PCDH15: variants seen among roughly 807,000 people sequenced by gnomAD.
The protein encoded by PCDH15 is protocadherin-15.
PCDH15 carries 129 observed loss-of-function variants against 178.5 expected under a neutral mutation model. That is an observed-to-expected ratio of 0.72 (90% CI 0.63 to 0.84). The LOEUF is 0.84. PCDH15 is among the 40% of genes least tolerant of loss of function. PCDH15 has a pLI of 0.00. For synonymous variants in PCDH15, 800 were observed against 732.0 expected, an observed-to-expected ratio of 1.09 and a Z score of -1.50; for missense variants, 2,230 against 2,099.9, an observed-to-expected ratio of 1.06 and a Z score of -1.21.
At chr10:53,925,674 G>T (rs1008728657) in intron 25 of PCDH15, among the ~76,000 whole-genome samples, 3 of 152,268 alleles carry the variant, frequency 2.0e-5, no homozygotes, top group East Asian at 1.9e-4. Context: ...ATTTTTGTTT[G>T]CCTTTATTTC....
chr10:55,376,825 A>T (rs1445444585), intron 2 of PCDH15, among the ~76,000 whole-genome samples: 1 of 152,066 alleles, frequency 6.6e-6, no homozygotes, highest in African/African-American at 2.4e-5. Context: ...TATGTTCTTC[A>T]TCAGAAATTG....
chr10:55,520,161 GTA>G (rs1235603156), intron 2 of PCDH15, among the ~76,000 whole-genome samples: 3 of 82,592 alleles, frequency 3.6e-5, no homozygotes, highest in African/African-American at 9.5e-5. Context: ...CACGCAATGT[GTA>G]TATATATATA....
chr10:55,603,900 A>C (rs1341681237), intron 2 of PCDH15, among the ~76,000 whole-genome samples: 118 of 147,722 alleles, frequency 8.0e-4, no homozygotes, highest in East Asian at 1.6e-3. Flanking sequence ...AACAGTATTA[A>C]CTTTAAATGT....
At chr10:54,809,111 G>A (rs989675417) in intron 3 of PCDH15, among the ~76,000 whole-genome samples, 2 of 152,096 alleles carry the variant, frequency 1.3e-5, no homozygotes, top group African/African-American at 4.8e-5. Flanking sequence ...TTTAAGGTAT[G>A]AATATTATTT....
intron 5 of PCDH15, among the ~76,000 whole-genome samples, chr10:54,347,308 TA>T (rs1943455042): frequency 6.6e-6 from 1 of 152,146 alleles, no homozygotes; most frequent in Non-Finnish European, 1.5e-5. Flanking sequence ...CTTAATTAGA[TA>T]TCAGCTTCTC....
At chr10:55,505,687 T>C (rs1840745425) in intron 2 of PCDH15, among the ~76,000 whole-genome samples, 1 of 151,476 alleles carries the variant, frequency 6.6e-6, no homozygotes, top group Admixed American at 6.6e-5. Flanking sequence ...TCAGGCAATG[T>C]TGTAAGAGAT....
chr10:54,130,607 G>A (rs7904409), intron 15 of PCDH15, among the ~76,000 whole-genome samples: 96,594 of 152,030 alleles, frequency 0.64, 32,140 homozygotes, highest in East Asian at 0.88. Context: ...TAAAAGGCCC[G>A]TTCTTAAAAG....
At chr10:54,987,354 G>T (rs1201410608) in intron 2 of PCDH15, among the ~76,000 whole-genome samples, 1 of 152,158 alleles carries the variant, frequency 6.6e-6, no homozygotes, top group Non-Finnish European at 1.5e-5. Context: ...ATGGTAGAAT[G>T]ATTCATAATT....
chr10:54,204,425 G>A (rs1253337724), intron 10 of PCDH15, among the ~76,000 whole-genome samples: 1 of 151,988 alleles, frequency 6.6e-6, no homozygotes, highest in Non-Finnish European at 1.5e-5. Context: ...GTGTCAGGTG[G>A]AGGTAAGGTG....
intron 23 of PCDH15, among the ~76,000 whole-genome samples, chr10:53,942,209 C>T (rs926796159): frequency 2.6e-5 from 4 of 152,152 alleles, no homozygotes; most frequent in Admixed American, 2.6e-4. Flanking sequence ...AAGAACCAAT[C>T]TGTATCATTT....
intron 33 of PCDH15, 124 bp downstream of exon 33, chr10:53,820,036 CTCTTA>C (rs2076200774): frequency 5.1e-6 from 2 of 391,314 alleles, no homozygotes; most frequent in Non-Finnish European, 9.0e-6. Context: ...TTTTGGACTT[CTCTTA>C]TTTCTTTTGT....
chr10:54,149,706 G>A (rs1306261505), intron 14 of PCDH15, among the ~76,000 whole-genome samples: 1 of 152,124 alleles, frequency 6.6e-6, no homozygotes, highest in African/African-American at 2.4e-5. Flanking sequence ...CTTGAGTAAT[G>A]GATTGAGATG....
chr10:53,831,069 A>AT lies in PCDH15; in HGVS notation c.4202+245dup, dbSNP rs2076987696. On this transcript the variant is annotated intron_variant, in intron 30 of 37. Transcript: ENST00000644397. The stretch of plus-strand genomic sequence containing the variant: ...AAACAAAGCCACAGGAACTAAGGTG[A>AT]TATTTCTATTGAAAGAGACCGAATT... 6.9e-6 allele frequency: 5 copies of AT among 722,008 alleles called. No homozygotes were observed. The East Asian group carries it at 1.3e-4, about 19-fold the overall frequency. The allele number at this position is 722,008 out of a possible 1,614,324, so 44.7% of individuals were successfully genotyped here.
At chr10:54,401,557 G>A (rs1339478237) in intron 3 of PCDH15, among the ~76,000 whole-genome samples, 2 of 151,700 alleles carry the variant, frequency 1.3e-5, no homozygotes, top group South Asian at 2.1e-4. Context: ...AATATCCGAA[G>A]ATTATATTCA....
chr10:55,483,695 A>C (rs1187677511), intron 2 of PCDH15, among the ~76,000 whole-genome samples: 1 of 151,630 alleles, frequency 6.6e-6, no homozygotes, highest in Non-Finnish European at 1.5e-5. Flanking sequence ...GTGTGTCTGC[A>C]ATCCCAGCTA....
At chr10:55,422,324 A>G (rs368464012) in intron 2 of PCDH15, among the ~76,000 whole-genome samples, 4 of 152,036 alleles carry the variant, frequency 2.6e-5, no homozygotes, top group Admixed American at 1.3e-4. Context: ...GAATCCTTAT[A>G]AAATGAAGAG....
At chr10:54,914,484 C>G (rs2131837878) in intron 2 of PCDH15, among the ~76,000 whole-genome samples, 1 of 152,062 alleles carries the variant, frequency 6.6e-6, no homozygotes, top group Non-Finnish European at 1.5e-5. Context: ...GGTAAAACTT[C>G]ATCTGAGATT....
intron 16 of PCDH15, among the ~76,000 whole-genome samples, chr10:54,084,989 A>T (rs1377591497): frequency 6.6e-6 from 1 of 152,106 alleles, no homozygotes; most frequent in African/African-American, 2.4e-5. Context: ...AGCAATTAGC[A>T]ATTAACAAAA....
At chr10:55,438,851 C>T (rs557452622) in intron 2 of PCDH15, among the ~76,000 whole-genome samples, 42 of 151,368 alleles carry the variant, frequency 2.8e-4, no homozygotes, top group Admixed American at 2.3e-3. Context: ...GGTTTCAGAA[C>T]TTGCCAGGGA....
Sources: gnomAD v4.1 joint callset for allele counts (sites outside exome capture counted in the v4.1 genomes callset) on GRCh38, gnomAD v4.1.1 for gene constraint, MANE v1.5 for transcripts, NCBI Gene and HGNC (gene_info 2026-07-23, HGNC 2026-07-21) for gene names.